Variants in OXNAD1 observed in about 807,000 individuals in gnomAD.
The protein encoded by OXNAD1 is oxidoreductase NAD-binding domain-containing protein 1.
A neutral mutation model predicts 32.9 loss-of-function variants in OXNAD1; 34 were observed. The observed-to-expected ratio is 1.03, with a 90% CI of 0.79 to 1.38. The LOEUF (loss-of-function observed/expected upper bound fraction) is 1.38. Ranked by LOEUF, OXNAD1 falls within the 40% of genes most tolerant of loss-of-function variation. OXNAD1 has a pLI of 0.00. For synonymous variants in OXNAD1, 134 were observed against 135.2 expected (o/e 0.99, Z 0.06); for missense variants, 407 against 379.4 (o/e 1.07, Z -0.60).
chr3:16,286,417 G>T lies in OXNAD1; in HGVS notation c.259G>T (p.Asp87Tyr), dbSNP rs373342829. Reference sequence around the variant, plus strand: ...GAAGAGCCTCCGCTTGCTTGTTGCTGATCAAGACTTTTCCTTTAAAGCTGG... The same window carrying T: ...GAAGAGCCTCCGCTTGCTTGTTGCTTATCAAGACTTTTCCTTTAAAGCTGG... The part of the protein sequence containing the change: ...SVKSLRLLVA[D>Y]QDFSFKAGQW... Residue 87 changes from aspartate (D) to tyrosine (Y), a missense_variant, in exon 5 of 9, where the codon GAT (aspartate) becomes TAT (tyrosine). Coordinates refer to ENST00000285083, the MANE Select transcript of OXNAD1 (RefSeq NM_138381.5). 1 of 1,613,914 alleles carries T rather than the reference G, an allele frequency of 6.2e-7. No homozygotes were observed.
downstream of OXNAD1, among the ~76,000 whole-genome samples, chr3:16,309,800 C>T (rs551643740): frequency 3.9e-5 from 6 of 152,182 alleles, no homozygotes; most frequent in Non-Finnish European, 5.9e-5. Flanking sequence ...CCTTATCTGT[C>T]GCTGTGGGTA....
At chr3:16,295,052 A>C in intron 6 of OXNAD1, 55 bp downstream of exon 6, 2 of 1,527,674 alleles carry the variant, frequency 1.3e-6, no homozygotes, top group South Asian at 2.6e-5. Flanking sequence ...CCACCCACAA[A>C]ATTTGTGTTA....
At position 16,312,803 on chromosome 3, in the gene OXNAD1, C is replaced by T. The variant is rs2068061681; in HGVS notation, c.*30+9211C>T. On this transcript the variant is annotated intron_variant, in intron 9 of 9. Coordinates refer to the OXNAD1 transcript ENST00000435829. The surrounding 1 kb of genome is among the most constrained non-coding windows in gnomAD (Gnocchi z 4.7). ...CCTGCTAATGTTTTTGGAAGCTGCT[C>T]CCATCAAGCATCAGCAACTCTAGTG... Among the ~76,000 whole-genome samples, 1 of 152,162 alleles carries T rather than the reference C, an allele frequency of 6.6e-6. No homozygotes were observed. The highest frequency in any genetic ancestry group is 2.1e-4 in the South Asian group (1 of 4,820).
chr3:16,271,580 C>A lies in OXNAD1; in HGVS notation c.120-79C>A. On this transcript the variant is annotated intron_variant, in intron 3 of 8. Transcript: ENST00000285083. The surrounding 1 kb of genome is among the most constrained non-coding windows in gnomAD (Gnocchi z 4.6). ...AATGTTACACTGTATTTAGGATAAC[C>A]ATGATATTTCAGGAAAAACTAATTT... is the stretch of plus-strand genomic sequence containing the variant. 1 of 1,162,700 alleles carries A rather than the reference C, an allele frequency of 8.6e-7. No homozygotes were observed. Among genetic ancestry groups the A allele is most frequent in the Non-Finnish European group, 1.2e-6 (1 of 819,098 alleles). 72.0% of individuals were successfully genotyped at this position (1,162,700 alleles called of 1,614,324 possible).
At chr3:16,341,344 A>G (rs953782153), downstream of OXNAD1, among the ~76,000 whole-genome samples, 6 of 152,230 alleles carry the variant, frequency 3.9e-5, no homozygotes, top group African/African-American at 1.4e-4. The surrounding 1 kb of genome is among the most constrained non-coding windows in gnomAD (Gnocchi z 4.7). Context: ...CCACACAGAA[A>G]CCTACACATG....
At position 16,277,103 on chromosome 3, in the gene OXNAD1, A is replaced by G. The variant is rs1270883381; in HGVS notation, c.183+5381A>G. Among the ~76,000 whole-genome samples, 6 of 151,240 alleles carry G rather than the reference A, an allele frequency of 4.0e-5. No individual in the cohort carries two copies. Among genetic ancestry groups the G allele is most frequent in the Non-Finnish European group, 8.8e-5 (6 of 67,808 alleles). ...CCATGCCCGGCTAACTTTTTTTTGT[A>G]TTTTTAGTAGAGACGGGGTTTCACT... On this transcript the variant is annotated intron_variant, in intron 4 of 8. Coordinates refer to ENST00000285083, the MANE Select transcript of OXNAD1 (RefSeq NM_138381.5). This position sits in a 1 kb window ranked among gnomAD's most constrained non-coding sequence, Gnocchi z 4.3.
rs766431675 is a variant in OXNAD1, at chr3:16,301,676, T to C, written c.483T>C (p.Phe161=). 3 of 1,613,832 alleles carry C rather than the reference T, an allele frequency of 1.9e-6. No homozygotes were observed. The highest frequency in any genetic ancestry group is 4.5e-5 in the East Asian group (2 of 44,848). ...TGAGAGTGGGTGGAGAGTTCTTCTT[T>C]GACCCTCAGCCTGCGGATGCCTCTA... ...VAVRVGGEFF[F]DPQPADASRN... Residue 161 remains phenylalanine (F), a synonymous_variant, in exon 7 of 9, where the codon TTT becomes TTC. Coordinates refer to ENST00000285083, the MANE Select transcript of OXNAD1 (RefSeq NM_138381.5). The surrounding 1 kb of genome is among the most constrained non-coding windows in gnomAD (Gnocchi z 4.1).
At chr3:16,307,858 T>C (rs1397342732), downstream of OXNAD1, among the ~76,000 whole-genome samples, 1 of 152,214 alleles carries the variant, frequency 6.6e-6, no homozygotes, top group Non-Finnish European at 1.5e-5. Context: ...TTATCAAAAC[T>C]AGGGAATGAA....
At chr3:16,296,722 G>C (rs1376733859) in intron 6 of OXNAD1, among the ~76,000 whole-genome samples, 2 of 152,064 alleles carry the variant, frequency 1.3e-5, no homozygotes, top group African/African-American at 4.8e-5. Context: ...AAAATTGAAA[G>C]GCAAAAGGAT....
intron 1 of OXNAD1, among the ~76,000 whole-genome samples, chr3:16,268,821 C>A (rs2124961375): frequency 6.6e-6 from 1 of 152,198 alleles, no homozygotes; most frequent in East Asian, 1.9e-4. Flanking sequence ...GGGAACTTGG[C>A]CTTAAATGAC....
chr3:16,266,020 A>T (rs2064470549), intron 1 of OXNAD1, among the ~76,000 whole-genome samples: 1 of 152,226 alleles, frequency 6.6e-6, no homozygotes, highest in Non-Finnish European at 1.5e-5. Flanking sequence ...ATTGGGTCTT[A>T]CTTAATTACT....
At position 16,348,994 on chromosome 3, in the gene OXNAD1, C is replaced by T. The variant is rs1170639497; in HGVS notation, c.*31-182C>T. Reference sequence around the variant, plus strand: ...AGGGACAGACAGCCATCCCAGGCTCCACTATCCAAGGACAGGGTCAAAGTT... The same window carrying T: ...AGGGACAGACAGCCATCCCAGGCTCTACTATCCAAGGACAGGGTCAAAGTT... On this transcript the variant is annotated intron_variant, in intron 9 of 9. Transcript: ENST00000606098. The surrounding 1 kb of genome is among the most constrained non-coding windows in gnomAD (Gnocchi z 6.3). Among the ~76,000 whole-genome samples, 1 of 152,214 alleles carries T rather than the reference C, an allele frequency of 6.6e-6. No individual in the cohort carries two copies. The highest frequency in any genetic ancestry group is 2.4e-5 in the African/African-American group (1 of 41,456).
chr3:16,320,158 T>TG lies in OXNAD1; in HGVS notation c.*30+16567dup, dbSNP rs2068882044. Among the ~76,000 whole-genome samples the TG allele has an allele frequency of 6.6e-6, 1 of 152,210 alleles. No homozygotes were observed. Among genetic ancestry groups the TG allele is most frequent in the Non-Finnish European group, 1.5e-5 (1 of 68,040 alleles). On this transcript the variant is annotated intron_variant, in intron 9 of 9. Coordinates refer to the OXNAD1 transcript ENST00000435829. The surrounding 1 kb of genome is among the most constrained non-coding windows in gnomAD (Gnocchi z 4.5). ...TGCACATTTTAAAAACTGCCCATGA[T>TG]GTGTCCACTTCAAGTAGTTTAGCTG... is the stretch of plus-strand genomic sequence containing the variant.
In OXNAD1 at chr3:16,284,025, C is replaced by T. The variant is rs1039000217; in HGVS notation, c.184-2317C>T. Among the ~76,000 whole-genome samples, 6 of 152,124 alleles carry T rather than the reference C, an allele frequency of 3.9e-5. No individual in the cohort carries two copies. The highest frequency in any genetic ancestry group is 8.8e-5 in the Non-Finnish European group (6 of 68,028). On this transcript the variant is annotated intron_variant, in intron 4 of 8. Transcript: ENST00000285083. The surrounding 1 kb of genome is among the most constrained non-coding windows in gnomAD (Gnocchi z 4.1). The stretch of plus-strand genomic sequence containing the variant: ...AAGGAAAAAGGGAAGATTCTGTGGG[C>T]TATAGAAGAGCTGATTGTCTCAGTA...
In OXNAD1 at chr3:16,301,718, T is replaced by C. The variant is rs548933096; in HGVS notation, c.525T>C (p.Ile175=). 1 of 1,614,032 alleles carries C rather than the reference T, an allele frequency of 6.2e-7. No individual in the cohort carries two copies. The highest frequency in any genetic ancestry group is 8.5e-7 in the Non-Finnish European group (1 of 1,179,986). The change falls in exon 7 of 9, where the codon ATT becomes ATC. Residue 175 remains isoleucine, a synonymous_variant. Coordinates refer to ENST00000285083, the MANE Select transcript of OXNAD1 (RefSeq NM_138381.5). The surrounding 1 kb of genome is among the most constrained non-coding windows in gnomAD (Gnocchi z 4.1). ...PADASRNLVL[I]AGGVGINPLL... ...ATGCCTCTAGAAACCTCGTGTTGAT[T>C]GCAGGAGGAGTCGGAATTAACCCTC...
At position 16,286,365 on chromosome 3, in the gene OXNAD1, T is replaced by G; in HGVS notation, c.207T>G (p.Cys69Trp). Reference sequence around the variant, plus strand: ...AGATTGTGTCAGCAGCTAAGGTGTGTGGAGCTGCCAGTGAGTCACCGTCAG... The same window carrying G: ...AGATTGTGTCAGCAGCTAAGGTGTGGGGAGCTGCCAGTGAGTCACCGTCAG... ...RREIVSAAKV[C>W]GAASESPSVK... Residue 69 changes from cysteine to tryptophan, a missense_variant, in exon 5 of 9, where the codon TGT (cysteine) becomes TGG (tryptophan). Transcript: ENST00000285083. The G allele has an allele frequency of 6.2e-7, 1 of 1,613,742 alleles. No homozygotes were observed. Among genetic ancestry groups the G allele is most frequent in the Non-Finnish European group, 8.5e-7 (1 of 1,179,674 alleles).
At chr3:16,291,726 A>G (rs567705015) in intron 5 of OXNAD1, among the ~76,000 whole-genome samples, 2 of 152,238 alleles carry the variant, frequency 1.3e-5, no homozygotes, top group Non-Finnish European at 2.9e-5. Context: ...TTGAGTGAAC[A>G]TACAGTTTCA....
chr3:16,270,335 G>C (rs1305914973), intron 2 of OXNAD1, among the ~76,000 whole-genome samples: 1 of 152,194 alleles, frequency 6.6e-6, no homozygotes, highest in Non-Finnish European at 1.5e-5. Context: ...TAATTCATCT[G>C]TGTTACTGCA....
chr3:16,270,996 C>T lies in OXNAD1; in HGVS notation c.44C>T (p.Ser15Phe), dbSNP rs771247111. The T allele has an allele frequency of 1.2e-6, 2 of 1,614,176 alleles. No homozygotes were observed. The highest frequency in any genetic ancestry group is 1.7e-6 in the Non-Finnish European group (2 of 1,180,036). The stretch of plus-strand genomic sequence containing the variant: ...ATGATTCCTGGGTTGTTGCGGTGCT[C>T]TGTTGGAGCCATCCGTATTGAGGCT... ...AVMIPGLLRC[S>F]VGAIRIEAAS... Residue 15 changes from serine (S) to phenylalanine (F), a missense_variant, in exon 3 of 9, where the codon TCT (serine) becomes TTT (phenylalanine). Coordinates refer to ENST00000285083, the MANE Select transcript of OXNAD1 (RefSeq NM_138381.5).
Sources: gnomAD v4.1 joint callset for allele counts (sites outside exome capture counted in the v4.1 genomes callset) on GRCh38, gnomAD v4.1.1 for gene constraint, Gnocchi (gnomAD v3.1) non-coding constraint, MANE v1.5 for transcripts, NCBI Gene and HGNC (gene_info 2026-07-23, HGNC 2026-07-21) for gene names.